The following CDR2 variants were observed in gnomAD, a reference collection of about 807,000 sequenced individuals.
CDR2 encodes cerebellar degeneration-related protein 2.
In CDR2, 34 loss-of-function variants were observed where a neutral mutation model predicts 48.4. The observed-to-expected ratio is 0.70, with a 90% confidence interval of 0.53 to 0.94. The LOEUF (loss-of-function observed/expected upper bound fraction) is 0.94. CDR2 is among the 40% of genes least tolerant of loss of function. The probability of loss-of-function intolerance (pLI) is 0.00; values close to 1 mark genes in which losing one functional copy is unlikely to be tolerated. For missense variants in CDR2, 498 were observed against 549.5 expected, an observed-to-expected ratio of 0.91 and a Z score of 0.94; for synonymous variants, 240 against 219.7, an observed-to-expected ratio of 1.09 and a Z score of -0.82.
Position 22,346,878 on chromosome 16 carries a change from T to C in CDR2, c.*87A>G. 4 of 1,395,796 alleles carry C rather than the reference T, an allele frequency of 2.9e-6. No individual in the cohort carries two copies. Among genetic ancestry groups the C allele is most frequent in the Admixed American group, 2.1e-5 (1 of 48,668 alleles). 86.5% of individuals were successfully genotyped at this position (1,395,796 alleles called of 1,614,324 possible). ...ATGAGGCAAACGTCATGAGTAACAT[T>C]AGGCTTCAGAGTCTACAAACACTTG... is the stretch of plus-strand genomic sequence containing the variant. On this transcript the variant is annotated 3_prime_UTR_variant, in exon 5 of 5. Transcript: ENST00000268383.
At chr16:22,371,068 G>C (rs55862847) in intron 1 of CDR2, among the ~76,000 whole-genome samples, 12,010 of 152,146 alleles carry the variant, frequency 0.079, 599 homozygotes, top group South Asian at 0.15. Context: ...AAAATTAGCT[G>C]GGTGTGGTGG....
chr16:22,365,111 C>T, intron 1 of CDR2, 97 bp from the exon 2 acceptor site: 1 of 782,308 alleles, frequency 1.3e-6, no homozygotes, highest in Non-Finnish European at 2.1e-6. Flanking sequence ...GTTTAAGTCA[C>T]ATCCCAATGG....
intron 1 of CDR2, among the ~76,000 whole-genome samples, chr16:22,367,554 A>G (rs1016496863): frequency 6.6e-6 from 1 of 152,218 alleles, no homozygotes. Flanking sequence ...AGTTATTGTC[A>G]TAAAAGTATT....
chr16:22,346,552 T>C lies in CDR2; in HGVS notation c.*413A>G, dbSNP rs758667312. 1.7e-5 allele frequency: 3 copies of C among 176,952 alleles called. No homozygotes were observed. Among genetic ancestry groups the C allele is most frequent in the Non-Finnish European group, 3.6e-5 (3 of 82,412 alleles). 11.0% of individuals were successfully genotyped at this position (176,952 alleles called of 1,614,324 possible). ...AACTGTTTGCAAAGATATTTGAGTTTGACAGCCTTCTGACTTTCATCGTTT... is the reference window on the plus strand; with the variant it reads ...AACTGTTTGCAAAGATATTTGAGTTCGACAGCCTTCTGACTTTCATCGTTT... On this transcript the variant is annotated 3_prime_UTR_variant, in exon 5 of 5. Transcript: ENST00000268383.
In CDR2 at chr16:22,347,692, C is replaced by T. The variant is rs372651445; in HGVS notation, c.638G>A (p.Arg213Gln). Residue 213 changes from arginine to glutamine, a missense_variant, in exon 5 of 5, where the codon CGG (arginine) becomes CAG (glutamine). Physicochemically the swap from Arg to Gln is conservative, Grantham distance 43. Transcript: ENST00000268383. The part of the protein sequence containing the change: ...TMLQAQLSLE[R>Q]QKRVTMEEEY... ...CTCCTCCATAGTCACCCGCTTCTGC[C>T]GCTCCAGGCTCAGCTGGGCCTGCAA... 19 of 1,613,904 alleles carry T rather than the reference C, an allele frequency of 1.2e-5. No individual in the cohort carries two copies. The highest frequency in any genetic ancestry group is 6.7e-5 in the African/African-American group (5 of 74,884).
At chr16:22,363,476 G>C (rs2049024139) in intron 2 of CDR2, among the ~76,000 whole-genome samples, 1 of 152,186 alleles carries the variant, frequency 6.6e-6, no homozygotes, top group African/African-American at 2.4e-5. Flanking sequence ...TTGTTTTGAT[G>C]ATAGATTTGT....
intron 2 of CDR2, among the ~76,000 whole-genome samples, chr16:22,361,586 C>T (rs1365692630): frequency 1.3e-5 from 2 of 152,226 alleles, no homozygotes; most frequent in Non-Finnish European, 2.9e-5. Flanking sequence ...GTGGGAATCC[C>T]CTGGCTGGTA....
At chr16:22,364,223 A>G (rs944608369) in intron 2 of CDR2, among the ~76,000 whole-genome samples, 28 of 152,206 alleles carry the variant, frequency 1.8e-4, no homozygotes, top group Admixed American at 1.6e-3. Flanking sequence ...GATTATAGGC[A>G]TAAGCCACCA....
rs536372565 is a variant in CDR2 at position 22,370,757 on chromosome 16, T to C, written c.79+3474A>G. Among the ~76,000 whole-genome samples, 202 of 152,310 alleles carry C rather than the reference T, an allele frequency of 1.3e-3. 1 individual carries two copies. Among genetic ancestry groups the C allele is most frequent in the Non-Finnish European group, 2.8e-4 (19 of 68,012 alleles). ...CATGTTTCTAACAAGGTATGAATAGTAGACCAGAGTTTACTGAGGTTAGAA... is the reference window on the plus strand; with the variant it reads ...CATGTTTCTAACAAGGTATGAATAGCAGACCAGAGTTTACTGAGGTTAGAA... On this transcript the variant is annotated intron_variant, in intron 1 of 4. Coordinates refer to ENST00000268383, the MANE Select transcript of CDR2 (RefSeq NM_001802.2).
At chr16:22,370,438 A>C (rs2049068446) in intron 1 of CDR2, among the ~76,000 whole-genome samples, 1 of 152,176 alleles carries the variant, frequency 6.6e-6, no homozygotes, top group Admixed American at 6.5e-5. Context: ...ACATAACAGA[A>C]ACCTGAATCC....
At chr16:22,362,795 C>T (rs2049018549) in intron 2 of CDR2, among the ~76,000 whole-genome samples, 1 of 152,160 alleles carries the variant, frequency 6.6e-6, no homozygotes, top group Admixed American at 6.5e-5. Context: ...ACTTTGTGGC[C>T]CAGTCTGGTC....
At chr16:22,373,197 C>T (rs950440820) in intron 1 of CDR2, among the ~76,000 whole-genome samples, 3 of 152,172 alleles carry the variant, frequency 2.0e-5, no homozygotes, top group South Asian at 4.1e-4. Context: ...CTAGCTCCTG[C>T]TATTAGTATA....
At chr16:22,366,753 T>C (rs1371850827) in intron 1 of CDR2, among the ~76,000 whole-genome samples, 1 of 152,050 alleles carries the variant, frequency 6.6e-6, no homozygotes, top group Non-Finnish European at 1.5e-5. Flanking sequence ...AGGAATCCAA[T>C]GGAGGTTTAA....
At chr16:22,363,083 G>T (rs1191521914) in intron 2 of CDR2, among the ~76,000 whole-genome samples, 1 of 151,718 alleles carries the variant, frequency 6.6e-6, no homozygotes, top group Non-Finnish European at 1.5e-5. Flanking sequence ...GTCCCAAGTA[G>T]CTGGGATTAT....
intron 2 of CDR2, among the ~76,000 whole-genome samples, chr16:22,353,261 G>C (rs749127668): frequency 6.6e-6 from 1 of 152,168 alleles, no homozygotes; most frequent in Non-Finnish European, 1.5e-5. Flanking sequence ...GTGAAAGGCC[G>C]ATTCATGAAT....
intron 1 of CDR2, among the ~76,000 whole-genome samples, chr16:22,373,107 T>C (rs965218092): frequency 6.6e-6 from 1 of 152,194 alleles, no homozygotes; most frequent in Non-Finnish European, 1.5e-5. Flanking sequence ...ACTACCTCTA[T>C]TGTGTTACTG....
rs1275405242 is a variant in CDR2 at position 22,374,470 on chromosome 16, GCGGCCGCCGAC to G, written c.-172_-162del. 1.1e-5 allele frequency: 3 copies of G among 276,244 alleles called. No individual in the cohort carries two copies. The highest frequency in any genetic ancestry group is 4.5e-5 in the African/African-American group (2 of 44,368). 17.1% of individuals were successfully genotyped at this position (276,244 alleles called of 1,614,324 possible). On this transcript the variant is annotated 5_prime_UTR_variant, in exon 1 of 5. Transcript: ENST00000268383. ...CGCCGCCTCAGCCCCGTTCCCGCCG[GCGGCCGCCGAC>G]CGGCCGGCTGCCTCGACTCGCCTCG...
At chr16:22,370,835 A>C (rs1300779738) in intron 1 of CDR2, among the ~76,000 whole-genome samples, 1 of 152,262 alleles carries the variant, frequency 6.6e-6, no homozygotes, top group Non-Finnish European at 1.5e-5. Context: ...TTTGATACAA[A>C]GATTCAATCT....
chr16:22,356,109 T>C (rs895288930), intron 2 of CDR2, among the ~76,000 whole-genome samples: 3 of 152,236 alleles, frequency 2.0e-5, no homozygotes, highest in Admixed American at 6.5e-5. Context: ...TTATTAAATA[T>C]GTTAATACGT....
Sources: gnomAD v4.1 joint callset for allele counts (sites outside exome capture counted in the v4.1 genomes callset) on GRCh38, gnomAD v4.1.1 for gene constraint, MANE v1.5 for transcripts, NCBI Gene and HGNC (gene_info 2026-07-23, HGNC 2026-07-21) for gene names.